KLHL14: variants seen among roughly 807,000 people sequenced by gnomAD.
KLHL14 encodes kelch-like protein 14.
In KLHL14, 22 loss-of-function variants were observed where a neutral mutation model predicts 64.3. That is an observed-to-expected ratio of 0.34 (90% CI 0.24 to 0.49). KLHL14 has a LOEUF of 0.49. KLHL14 is among the 20% of genes least tolerant of loss of function. The probability of loss-of-function intolerance (pLI) is 0.99; values close to 1 mark genes in which losing one functional copy is unlikely to be tolerated. For synonymous variants in KLHL14, 322 were observed against 333.4 expected (o/e 0.97, Z 0.37); for missense variants, 661 against 789.0 (o/e 0.84, Z 1.94).
At chr18:32,710,143 T>C (rs1381875713) in intron 3 of KLHL14, among the ~76,000 whole-genome samples, 2 of 152,242 alleles carry the variant, frequency 1.3e-5, no homozygotes, top group Non-Finnish European at 2.9e-5. Flanking sequence ...GGATAACTTA[T>C]GTAAAGTACA....
intron 3 of KLHL14, among the ~76,000 whole-genome samples, chr18:32,728,916 T>A (rs2050120719): frequency 6.6e-6 from 1 of 151,476 alleles, no homozygotes; most frequent in Admixed American, 6.6e-5. Context: ...AGGAAGGAAG[T>A]CTTCTCCCCT....
chr18:32,745,786 A>G (rs1316093936), intron 2 of KLHL14, among the ~76,000 whole-genome samples: 2 of 152,234 alleles, frequency 1.3e-5, no homozygotes, highest in African/African-American at 4.8e-5. Context: ...TAATGAATGC[A>G]TATTGAATAC....
At position 32,737,432 on chromosome 18, in the gene KLHL14, A is replaced by C. The variant is rs567986544; in HGVS notation, c.1069+4496T>G. 3 of 152,292 alleles carry C rather than the reference A, an allele frequency of 2.0e-5. No individual in the cohort carries two copies. The South Asian group carries it at 6.2e-4, about 32-fold the overall frequency. 9.4% of individuals were successfully genotyped at this position (152,292 alleles called of 1,614,324 possible). A position where few individuals can be genotyped will look rare whatever the true frequency, so the allele number is the denominator to read the frequency against. ...GAATGTATCAACATGCAGGTTTATT[A>C]ATTATTCCCTGAATAATCAACAACT... On this transcript the variant is annotated intron_variant, in intron 3 of 8. Transcript: ENST00000359358.
intron 3 of KLHL14, among the ~76,000 whole-genome samples, chr18:32,727,485 T>A (rs972365664): frequency 6.6e-6 from 1 of 152,208 alleles, no homozygotes; most frequent in Non-Finnish European, 1.5e-5. Flanking sequence ...CATGTATTTG[T>A]GACAAAAACA....
intron 3 of KLHL14, among the ~76,000 whole-genome samples, chr18:32,699,505 C>T (rs2049953126): frequency 1.3e-5 from 2 of 151,964 alleles, no homozygotes. Context: ...TTTAGAAACA[C>T]TAAAAGGCCT....
chr18:32,676,450 T>C (rs193028394), intron 8 of KLHL14, among the ~76,000 whole-genome samples: 9 of 152,210 alleles, frequency 5.9e-5, no homozygotes, highest in Non-Finnish European at 1.0e-4. Context: ...ACATCTTTTT[T>C]AAAAGTCAAT....
chr18:32,688,254 A>C (rs531914040), intron 4 of KLHL14, among the ~76,000 whole-genome samples: 1 of 152,270 alleles, frequency 6.6e-6, no homozygotes, highest in African/African-American at 2.4e-5. Context: ...TCACTACAGG[A>C]CTGAACAGAT....
At chr18:32,726,314 A>G in intron 3 of KLHL14, among the ~76,000 whole-genome samples, 1 of 152,152 alleles carries the variant, frequency 6.6e-6, no homozygotes, top group South Asian at 2.1e-4. Context: ...ACCCCTGGAT[A>G]GACAACTACT....
rs1034502333 is a variant in KLHL14, at chr18:32,683,738, G to A, written c.1239-3139C>T. Reference sequence around the variant, plus strand: ...ATATACTTTACACTCTGCTTATTTTGCAGATCTTTACAAGTTCTTTCTGGC... The same window carrying A: ...ATATACTTTACACTCTGCTTATTTTACAGATCTTTACAAGTTCTTTCTGGC... On this transcript the variant is annotated intron_variant, in intron 5 of 8. Coordinates refer to ENST00000359358, the MANE Select transcript of KLHL14 (RefSeq NM_020805.3). The surrounding 1 kb of genome is among the most constrained non-coding windows in gnomAD (Gnocchi z 4.2). 5.3e-5 allele frequency among the ~76,000 whole-genome samples: 8 copies of A among 152,202 alleles called. No homozygotes were observed. Among genetic ancestry groups the A allele is most frequent in the African/African-American group, 1.9e-4 (8 of 41,544 alleles).
intron 3 of KLHL14, among the ~76,000 whole-genome samples, chr18:32,707,014 A>G (rs1035738345): frequency 6.6e-6 from 1 of 152,188 alleles, no homozygotes; most frequent in Non-Finnish European, 1.5e-5. Flanking sequence ...AAGCTGGTGC[A>G]GTGGAGGCTT....
intron 3 of KLHL14, among the ~76,000 whole-genome samples, chr18:32,740,094 C>A (rs1458694651): frequency 6.6e-6 from 1 of 152,106 alleles, no homozygotes; most frequent in Non-Finnish European, 1.5e-5. Flanking sequence ...GGTTTGCAAC[C>A]AAGTCTGTCT....
intron 2 of KLHL14, among the ~76,000 whole-genome samples, chr18:32,757,797 T>C (rs2050289563): frequency 6.6e-6 from 1 of 152,160 alleles, no homozygotes; most frequent in Admixed American, 6.5e-5. Context: ...AAACAAACAA[T>C]ACCAAAATCA....
intron 2 of KLHL14, among the ~76,000 whole-genome samples, chr18:32,768,353 T>C (rs2050357664): frequency 6.6e-6 from 1 of 150,620 alleles, no homozygotes; most frequent in South Asian, 2.1e-4. Flanking sequence ...TTCCATTTCT[T>C]TAAACTTTAG....
chr18:32,764,245 T>C (rs2050328988), intron 2 of KLHL14, among the ~76,000 whole-genome samples: 3 of 152,212 alleles, frequency 2.0e-5, no homozygotes, highest in Admixed American at 6.5e-5. Context: ...TGAATAATGA[T>C]GACCATTCTA....
intron 5 of KLHL14, among the ~76,000 whole-genome samples, chr18:32,684,818 C>T (rs2049868028): frequency 6.6e-6 from 1 of 151,746 alleles, no homozygotes. Context: ...TTTTTTAAAC[C>T]ACCAATTAAT....
intron 3 of KLHL14, among the ~76,000 whole-genome samples, chr18:32,715,294 T>C (rs1200906165): frequency 6.6e-6 from 1 of 152,182 alleles, no homozygotes; most frequent in African/African-American, 2.4e-5. Flanking sequence ...CATTTCTATA[T>C]AGGGTGTATA....
At chr18:32,743,856 C>T (rs2050211204) in intron 2 of KLHL14, 1 of 152,186 alleles carries the variant, frequency 6.6e-6, no homozygotes, top group African/African-American at 2.4e-5. Context: ...TGCATGGCCA[C>T]AGAGCTGATA....
chr18:32,698,958 T>C (rs963018792), intron 3 of KLHL14, among the ~76,000 whole-genome samples: 4 of 152,196 alleles, frequency 2.6e-5, no homozygotes, highest in African/African-American at 7.2e-5. Flanking sequence ...GGAGAGGATA[T>C]TGTCACAGTA....
At chr18:32,732,060 C>T (rs1244900747) in intron 3 of KLHL14, among the ~76,000 whole-genome samples, 1 of 152,002 alleles carries the variant, frequency 6.6e-6, no homozygotes, top group Non-Finnish European at 1.5e-5. Flanking sequence ...AACAACGCCA[C>T]TAAAAATACA....
Sources: allele counts gnomAD v4.1 joint callset (sites outside exome capture counted in the v4.1 genomes callset), GRCh38; gene constraint gnomAD v4.1.1; non-coding constraint Gnocchi (gnomAD v3.1); transcripts MANE v1.5; gene names NCBI Gene and HGNC (gene_info 2026-07-23, HGNC 2026-07-21).